The following DEF6 variants were observed in gnomAD, a reference collection of about 807,000 sequenced individuals.
DEF6 encodes the protein DEF6 guanine nucleotide exchange factor, also known as differentially expressed in FDCP 6 homolog.
Under a neutral mutation model 80.5 loss-of-function variants are expected in DEF6, and 32 were observed. The observed-to-expected ratio is 0.40, with a 90% confidence interval of 0.30 to 0.53. The LOEUF is 0.53. Ranked by LOEUF, DEF6 falls within the 20% of genes least tolerant of loss-of-function variation. The pLI is 0.57. For synonymous variants in DEF6, 300 were observed against 337.9 expected (o/e 0.89, Z 1.23); for missense variants, 575 against 818.7 (o/e 0.70, Z 3.63).
chr6:35,318,463 G>C lies in DEF6; in HGVS notation c.1207G>C (p.Ala403Pro). Residue 403 changes from alanine (A) to proline (P), a missense_variant, in exon 7 of 11, where the codon GCG (alanine) becomes CCG (proline). By Grantham distance (27) the Ala-to-Pro change is conservative. Coordinates refer to ENST00000316637, the MANE Select transcript of DEF6 (RefSeq NM_022047.4). This position sits in a 1 kb window ranked among gnomAD's most constrained non-coding sequence, Gnocchi z 5.1. The part of the protein sequence containing the change: ...QQALEGQLRE[A>P]EQARASMQAE... ...GGCGCTCGAGGGCCAACTGCGCGAG[G>C]CGGAGCAGGTGGGGTTAGCTCCCGG... 1 of 1,440,446 alleles carries C rather than the reference G, an allele frequency of 6.9e-7. No homozygotes were observed. Among genetic ancestry groups the C allele is most frequent in the Non-Finnish European group, 9.0e-7 (1 of 1,105,544 alleles). 89.2% of individuals were successfully genotyped at this position (1,440,446 alleles called of 1,614,324 possible).
rs117311433 is a variant in DEF6 at position 35,304,200 on chromosome 6, A to G, written c.97-5470A>G. ...GCCGGGTGTGATGGCGCACGCCTAC[A>G]GTTCCAGCTACTCAGGAGGCTGATA... On this transcript the variant is annotated intron_variant, in intron 1 of 10. Transcript: ENST00000316637. 3.2e-3 allele frequency among the ~76,000 whole-genome samples: 489 copies of G among 152,352 alleles called. 20 individuals carry two copies. The East Asian group carries it at 0.086, about 27-fold the overall frequency.
At chr6:35,317,773 TG>T in intron 5 of DEF6, 117 bp from the exon 6 acceptor site, 2 of 767,324 alleles carry the variant, frequency 2.6e-6, no homozygotes, top group Non-Finnish European at 2.0e-6. Context: ...CCTGGCAGAG[TG>T]GGGTCCCCAG....
chr6:35,297,966 G>C lies in DEF6; in HGVS notation c.96+14G>C, dbSNP rs557319255. 1.3e-5 allele frequency: 21 copies of C among 1,579,672 alleles called. No homozygotes were observed. In the Admixed American group the frequency reaches 3.5e-4, roughly 26 times the overall value. On this transcript the variant is annotated intron_variant, in intron 1 of 10. Transcript: ENST00000316637. ...TCCCAGCTCAAGGTGAGGGGCACCC[G>C]GGACCCGGGGGAGGACGGCAGATGC... is the stretch of plus-strand genomic sequence containing the variant.
Position 35,312,403 on chromosome 6 carries a change from C to A in DEF6, c.525C>A (p.Thr175=). 6.2e-7 allele frequency: 1 copy of A among 1,614,154 alleles called. No homozygotes were observed. The highest frequency in any genetic ancestry group is 8.5e-7 in the Non-Finnish European group (1 of 1,180,028). ...CCCAGGAGGCCCAGGTGGCCCAGAC[C>A]ACCGGGGGGCTCAGCGTCTGGCAGT... ...LLAQEAQVAQ[T]TGGLSVWQFL... The change falls in exon 4 of 11, where the codon ACC becomes ACA. Residue 175 remains threonine (T), a synonymous_variant. Coordinates refer to ENST00000316637, the MANE Select transcript of DEF6 (RefSeq NM_022047.4). This position sits in a 1 kb window ranked among gnomAD's most constrained non-coding sequence, Gnocchi z 6.6.
chr6:35,321,524 G>T lies in DEF6; in HGVS notation c.*114G>T. On this transcript the variant is annotated 3_prime_UTR_variant, in exon 11 of 11. Transcript: ENST00000316637. ...GAGGGAGCTGAGGTCCTGGTGCCAG[G>T]GGCCCAGGCCCTCCAACCATAAACA... 2 of 981,144 alleles carry T rather than the reference G, an allele frequency of 2.0e-6. No homozygotes were observed. The highest frequency in any genetic ancestry group is 3.0e-6 in the Non-Finnish European group (2 of 666,948). The allele number at this position is 981,144 out of a possible 1,614,324, so 60.8% of individuals were successfully genotyped here. A position where few individuals can be genotyped will look rare whatever the true frequency, so the allele number is the denominator to read the frequency against.
chr6:35,310,381 C>T, intron 2 of DEF6, 78 bp from the exon 3 acceptor site: 1 of 1,531,042 alleles, frequency 6.5e-7, no homozygotes. Context: ...CATAGATGAA[C>T]CCAAGAAACC....
chr6:35,297,844 G>A lies in DEF6; in HGVS notation c.-13G>A, dbSNP rs775418284. 2.1e-5 allele frequency: 33 copies of A among 1,582,596 alleles called. No homozygotes were observed. The highest frequency in any genetic ancestry group is 1.7e-4 in the Middle Eastern group (1 of 6,018). ...GTGTCAGAGCCGCCCCCAGCCGGGC[G>A]GGCGCCTCAGCCATGGCCCTGCGCA... On this transcript the variant is annotated 5_prime_UTR_variant, in exon 1 of 11. Coordinates refer to ENST00000316637, the MANE Select transcript of DEF6 (RefSeq NM_022047.4).
intron 1 of DEF6, among the ~76,000 whole-genome samples, chr6:35,299,605 G>A (rs1791285974): frequency 6.6e-6 from 1 of 152,144 alleles, no homozygotes; most frequent in Non-Finnish European, 1.5e-5. Flanking sequence ...TATTTCTAGG[G>A]AAATACTCCA....
Position 35,320,934 on chromosome 6 carries a change from T to A in DEF6, c.1632T>A (p.Asn544Lys). ...CCAGCACCAACGTGAAACACTGGAA[T>A]GTCCAGATGAACCGGCTGATGCATC... is the stretch of plus-strand genomic sequence containing the variant. Reference protein sequence around the residue: ...RQASTNVKHWNVQMNRLMHPI... With the variant: ...RQASTNVKHWKVQMNRLMHPI... Residue 544 changes from asparagine (N) to lysine (K), a missense_variant, in exon 10 of 11, where the codon AAT (asparagine) becomes AAA (lysine). Coordinates refer to ENST00000316637, the MANE Select transcript of DEF6 (RefSeq NM_022047.4). 1.2e-6 allele frequency: 2 copies of A among 1,612,660 alleles called. No individual in the cohort carries two copies. Among genetic ancestry groups the A allele is most frequent in the Non-Finnish European group, 1.7e-6 (2 of 1,179,244 alleles).
intron 1 of DEF6, among the ~76,000 whole-genome samples, chr6:35,309,455 G>C (rs60913279): frequency 6.6e-6 from 1 of 152,198 alleles, no homozygotes; most frequent in Non-Finnish European, 1.5e-5. Context: ...GGGTATATGA[G>C]TAGTTGTTAT....
intron 1 of DEF6, among the ~76,000 whole-genome samples, chr6:35,298,984 G>A (rs1293506153): frequency 1.3e-5 from 2 of 152,154 alleles, no homozygotes; most frequent in Non-Finnish European, 2.9e-5. Flanking sequence ...AGAGGGTGCT[G>A]GATACCTGAG....
chr6:35,319,831 G>A lies in DEF6; in HGVS notation c.1395G>A (p.Glu465=), dbSNP rs765448345. 38 of 1,595,430 alleles carry A rather than the reference G, an allele frequency of 2.4e-5. No homozygotes were observed. In the East Asian group the frequency reaches 8.0e-4, roughly 33 times the overall value. The change falls in exon 9 of 11, where the codon GAG becomes GAA. Residue 465 remains glutamate, a synonymous_variant. Transcript: ENST00000316637. The surrounding 1 kb of genome is among the most constrained non-coding windows in gnomAD (Gnocchi z 4.5). Reference sequence around the variant, plus strand: ...ACTCACCCGGCAGACTGCTGGAAGAGGAGGAAGAGAAGCTGAAGCAGTTGA... The same window carrying A: ...ACTCACCCGGCAGACTGCTGGAAGAAGAGGAAGAGAAGCTGAAGCAGTTGA... ...VRIAQTRLLE[E]EEEKLKQLMQ...
chr6:35,306,572 G>T (rs1791393372), intron 1 of DEF6, among the ~76,000 whole-genome samples: 1 of 151,684 alleles, frequency 6.6e-6, no homozygotes, highest in Admixed American at 6.6e-5. Flanking sequence ...ACTGTTAACA[G>T]TTTGTGAGTC....
intron 1 of DEF6, among the ~76,000 whole-genome samples, chr6:35,308,780 TAAAC>T (rs1190099323): frequency 2.0e-4 from 30 of 151,774 alleles, no homozygotes; most frequent in African/African-American, 7.3e-4. Flanking sequence ...TTTAATTAAA[TAAAC>T]CACCTCCTAC....
Position 35,312,632 on chromosome 6 carries a change from C to T in DEF6, c.667C>T (p.Leu223=). ...LIQDVLKQGY[L]WKRGHLRRNW... ...ACGTAACTCCGGCTGGCAGGGCTAC[C>T]TGTGGAAGCGAGGGCACCTGAGAAG... Residue 223 remains leucine (L), a synonymous_variant, in exon 5 of 11, where the codon CTG becomes TTG. Coordinates refer to ENST00000316637, the MANE Select transcript of DEF6 (RefSeq NM_022047.4). The surrounding 1 kb of genome is among the most constrained non-coding windows in gnomAD (Gnocchi z 6.6). The T allele has an allele frequency of 6.2e-7, 1 of 1,614,172 alleles. No homozygotes were observed. Among genetic ancestry groups the T allele is most frequent in the Non-Finnish European group, 8.5e-7 (1 of 1,180,010 alleles).
In DEF6 at chr6:35,314,112, GA is replaced by G. The variant is rs1313394631; in HGVS notation, c.807+1344del. ...ACGTCTTCTCCAGCATCTTTTTACA[GA>G]AAAGATATTCTTGGCCAGGCGCAGT... is the stretch of plus-strand genomic sequence containing the variant. On this transcript the variant is annotated intron_variant, in intron 5 of 10. Transcript: ENST00000316637. 2.0e-5 allele frequency among the ~76,000 whole-genome samples: 3 copies of G among 152,232 alleles called. No homozygotes were observed. In the East Asian group the frequency reaches 5.8e-4, roughly 29 times the overall value.
intron 5 of DEF6, chr6:35,317,607 A>G: frequency 3.2e-6 from 1 of 310,184 alleles, no homozygotes; most frequent in Non-Finnish European, 6.0e-6. Context: ...GCAGTGTTCA[A>G]GCGTGATCTG....
At chr6:35,306,324 A>C (rs1035133116) in intron 1 of DEF6, among the ~76,000 whole-genome samples, 9 of 151,682 alleles carry the variant, frequency 5.9e-5, no homozygotes, top group African/African-American at 2.2e-4. Context: ...CAGCCTGGTC[A>C]ACATGGCAAA....
chr6:35,301,672 T>C (rs1791315633), intron 1 of DEF6, among the ~76,000 whole-genome samples: 1 of 152,060 alleles, frequency 6.6e-6, no homozygotes, highest in African/African-American at 2.4e-5. Flanking sequence ...ATAGTAGTTA[T>C]GCTTTTCTAG....
Sources: allele counts gnomAD v4.1 joint callset (sites outside exome capture counted in the v4.1 genomes callset), GRCh38; gene constraint gnomAD v4.1.1; non-coding constraint Gnocchi (gnomAD v3.1); transcripts MANE v1.5; gene names NCBI Gene and HGNC (gene_info 2026-07-23, HGNC 2026-07-21).